EYA1: variants seen among roughly 807,000 people sequenced by gnomAD.
The protein encoded by EYA1 is EYA transcriptional coactivator and phosphatase 1, also known as protein phosphatase EYA1.
A neutral mutation model predicts 82.0 loss-of-function variants in EYA1; 16 were observed. The observed-to-expected ratio is 0.20, with a 90% CI of 0.13 to 0.30. The LOEUF (loss-of-function observed/expected upper bound fraction) is 0.30, where lower values mean the gene tolerates loss of function less well. Among genes scored for constraint, EYA1 ranks in the 10% least tolerant of loss-of-function variants. The probability of loss-of-function intolerance (pLI) is 1.00; values close to 1 mark genes in which losing one functional copy is unlikely to be tolerated. For missense variants in EYA1, 633 were observed against 730.7 expected (o/e 0.87, Z 1.54); for synonymous variants, 261 against 264.4 (o/e 0.99, Z 0.12).
intron 17 of EYA1, among the ~76,000 whole-genome samples, chr8:71,205,812 G>A (rs1807693693): frequency 6.6e-6 from 1 of 152,136 alleles, no homozygotes; most frequent in Non-Finnish European, 1.5e-5. Context: ...TTAAGGAGAT[G>A]ACAGATCTCT....
intron 4 of EYA1, among the ~76,000 whole-genome samples, chr8:71,327,297 G>T (rs1823272065): frequency 6.6e-6 from 1 of 152,074 alleles, no homozygotes; most frequent in Non-Finnish European, 1.5e-5. Flanking sequence ...TACCTTTTAT[G>T]AACAATTAAA....
intron 2 of EYA1, among the ~76,000 whole-genome samples, chr8:71,488,700 C>T (rs1810758676): frequency 1.3e-5 from 2 of 152,080 alleles, no homozygotes; most frequent in South Asian, 4.1e-4. Context: ...ATTAGCTGGT[C>T]TCTACACACT....
intron 2 of EYA1, among the ~76,000 whole-genome samples, chr8:71,417,316 C>T (rs1009361784): frequency 1.1e-4 from 17 of 152,114 alleles, no homozygotes; most frequent in Admixed American, 7.9e-4. Flanking sequence ...CCCAGTAGTC[C>T]ACAACAGTAG....
chr8:71,359,583 T>C (rs551043966), intron 1 of EYA1, among the ~76,000 whole-genome samples: 1 of 152,298 alleles, frequency 6.6e-6, no homozygotes, highest in African/African-American at 2.4e-5. Flanking sequence ...AAGTTAATAA[T>C]GTTCTGTGAA....
chr8:71,384,652 T>A (rs540986329), intron 2 of EYA1, among the ~76,000 whole-genome samples: 1 of 152,348 alleles, frequency 6.6e-6, no homozygotes, highest in Admixed American at 6.5e-5. Flanking sequence ...ATTTGTTGAA[T>A]GAACAAATGA....
intron 3 of EYA1, among the ~76,000 whole-genome samples, chr8:71,342,182 T>C (rs967650985): frequency 1.6e-4 from 24 of 152,152 alleles, no homozygotes; most frequent in African/African-American, 5.3e-4. Flanking sequence ...ACTTCCACCA[T>C]ATCAGCCCCT....
At chr8:71,202,424 A>G (rs1041371823) in intron 17 of EYA1, among the ~76,000 whole-genome samples, 2 of 152,156 alleles carry the variant, frequency 1.3e-5, no homozygotes, top group African/African-American at 4.8e-5. Flanking sequence ...ACTATCGGGA[A>G]AGGTGAGATA....
intron 2 of EYA1, among the ~76,000 whole-genome samples, chr8:71,525,912 T>C (rs1586887175): frequency 6.6e-6 from 1 of 152,212 alleles, no homozygotes; most frequent in African/African-American, 2.4e-5. Context: ...ATTTTGCACA[T>C]CATGTGCAAA....
chr8:71,354,893 C>T lies in EYA1; in HGVS notation c.13G>A (p.Asp5Asn). 6.2e-7 allele frequency: 1 copy of T among 1,613,404 alleles called. No individual in the cohort carries two copies. Among genetic ancestry groups the T allele is most frequent in the African/African-American group, 1.3e-5 (1 of 74,986 alleles). The change falls in exon 3 of 18, where the codon GAT (aspartate) becomes AAT (asparagine). Residue 5 changes from aspartate to asparagine, a missense_variant. Physicochemically the swap from Asp to Asn is conservative, Grantham distance 23 (BLOSUM62 1). Transcript: ENST00000340726. ...AGACGGCTATGCGGGCTGGTTAGAT[C>T]CTGCATTTCCATAGACCTAAAGACA... MEMQDLTSPHSRLSG... is the reference protein window; with the variant it reads MEMQNLTSPHSRLSG...
chr8:71,395,864 T>C (rs995306381), intron 2 of EYA1, among the ~76,000 whole-genome samples: 2 of 152,206 alleles, frequency 1.3e-5, no homozygotes, highest in Admixed American at 6.5e-5. Context: ...TCAGAAGGAA[T>C]GGTACCAGCT....
chr8:71,420,391 G>C (rs1053149799), intron 2 of EYA1, among the ~76,000 whole-genome samples: 2 of 151,898 alleles, frequency 1.3e-5, no homozygotes, highest in African/African-American at 4.8e-5. Flanking sequence ...ATATGTTAAA[G>C]GTGGAAAACA....
intron 2 of EYA1, among the ~76,000 whole-genome samples, chr8:71,435,550 G>T (rs1322371203): frequency 6.6e-6 from 1 of 151,976 alleles, no homozygotes; most frequent in Non-Finnish European, 1.5e-5. Context: ...TTCTGGGTTG[G>T]GGGGAAGAGG....
At chr8:71,321,601 C>G (rs1346215834) in intron 6 of EYA1, 133 bp downstream of exon 6, 1 of 1,163,234 alleles carries the variant, frequency 8.6e-7, no homozygotes, top group East Asian at 2.6e-5. Flanking sequence ...AACAATCATA[C>G]TAAGAATTTA....
At chr8:71,203,946 T>C (rs1807403817) in intron 17 of EYA1, among the ~76,000 whole-genome samples, 1 of 152,178 alleles carries the variant, frequency 6.6e-6, no homozygotes, top group Non-Finnish European at 1.5e-5. Flanking sequence ...GATAGCTGAA[T>C]TCATTTGCTT....
chr8:71,489,619 G>A (rs1310555641), intron 2 of EYA1, among the ~76,000 whole-genome samples: 2 of 152,188 alleles, frequency 1.3e-5, no homozygotes, highest in Non-Finnish European at 2.9e-5. Context: ...GGCCTAACAA[G>A]TACCATTTGA....
At chr8:71,492,267 G>A (rs893008546) in intron 2 of EYA1, among the ~76,000 whole-genome samples, 2 of 152,162 alleles carry the variant, frequency 1.3e-5, no homozygotes, top group Non-Finnish European at 2.9e-5. Flanking sequence ...AATGAATACT[G>A]AGGAAACACG....
intron 9 of EYA1, among the ~76,000 whole-genome samples, chr8:71,298,451 G>A (rs1365541155): frequency 6.6e-6 from 1 of 152,172 alleles, no homozygotes; most frequent in Non-Finnish European, 1.5e-5. Flanking sequence ...AATCAATGAG[G>A]GGAAGAGATA....
intron 2 of EYA1, among the ~76,000 whole-genome samples, chr8:71,395,163 G>A (rs1829517926): frequency 6.6e-6 from 1 of 152,228 alleles, no homozygotes; most frequent in Non-Finnish European, 1.5e-5. Flanking sequence ...CTTTGCCGAA[G>A]TTGCTTATCA....
chr8:71,327,700 T>C (rs1484696026), intron 4 of EYA1, among the ~76,000 whole-genome samples: 2 of 152,026 alleles, frequency 1.3e-5, no homozygotes, highest in Non-Finnish European at 2.9e-5. Flanking sequence ...TGAGAGTGAG[T>C]CACTATGTCC....
Sources: allele counts gnomAD v4.1 joint callset (sites outside exome capture counted in the v4.1 genomes callset), GRCh38; gene constraint gnomAD v4.1.1; transcripts MANE v1.5; gene names NCBI Gene and HGNC (gene_info 2026-07-23, HGNC 2026-07-21).